CNTNAP4: variants seen among roughly 807,000 people sequenced by gnomAD.
The protein encoded by CNTNAP4 is contactin-associated protein-like 4.
A neutral mutation model predicts 148.4 loss-of-function variants in CNTNAP4; 98 were observed. The observed-to-expected ratio is 0.66, with a 90% CI of 0.56 to 0.78. The LOEUF is 0.78. Among genes scored for constraint, CNTNAP4 ranks in the 30% least tolerant of loss-of-function variants. The probability of loss-of-function intolerance (pLI) is 0.00; values close to 1 mark genes in which losing one functional copy is unlikely to be tolerated. For synonymous variants in CNTNAP4, 730 were observed against 565.1 expected (o/e 1.29, Z -4.14); for missense variants, 1,935 against 1,565.6 (o/e 1.24, Z -3.98).
rs917287332 is a variant in CNTNAP4, at chr16:76,549,633, A to G, written c.3443-3650A>G. 1.5e-4 allele frequency among the ~76,000 whole-genome samples: 23 copies of G among 151,542 alleles called. No homozygotes were observed. In the South Asian group the frequency reaches 4.4e-3, roughly 29 times the overall value. ...GAGTACTTTAAGGAGATTCTCATAA[A>G]GCAAAAAAAAGACCTTGAGGATCTA... On this transcript the variant is annotated intron_variant, in intron 21 of 23. Coordinates refer to ENST00000611870, the MANE Select transcript of CNTNAP4 (RefSeq NM_033401.5).
At chr16:76,280,724 C>T (rs527663484) in intron 1 of CNTNAP4, among the ~76,000 whole-genome samples, 19 of 152,192 alleles carry the variant, frequency 1.2e-4, no homozygotes, top group African/African-American at 4.1e-4. Flanking sequence ...TGGGTGTGCT[C>T]TTTGAGAAGC....
At chr16:76,546,785 C>T (rs888942509) in intron 21 of CNTNAP4, among the ~76,000 whole-genome samples, 4 of 152,134 alleles carry the variant, frequency 2.6e-5, no homozygotes, top group African/African-American at 9.7e-5. Context: ...AAGGACTAAT[C>T]AGAATCAGAG....
intron 3 of CNTNAP4, among the ~76,000 whole-genome samples, chr16:76,390,883 G>T (rs2016931447): frequency 6.6e-6 from 1 of 151,280 alleles, no homozygotes; most frequent in Non-Finnish European, 1.5e-5. Flanking sequence ...ATTTTTTGTG[G>T]GTACATAATT....
intron 10 of CNTNAP4, among the ~76,000 whole-genome samples, chr16:76,470,670 A>G (rs2081337180): frequency 6.6e-6 from 1 of 151,444 alleles, no homozygotes; most frequent in African/African-American, 2.4e-5. Context: ...AAACAAACAA[A>G]CAAAAAACCA....
At position 76,498,933 on chromosome 16, in the gene CNTNAP4, G is replaced by A. The variant is rs201039186; in HGVS notation, c.2365+239G>A. On this transcript the variant is annotated intron_variant, in intron 15 of 23. Coordinates refer to ENST00000611870, the MANE Select transcript of CNTNAP4 (RefSeq NM_033401.5). ...AGAATGGGAAGTTACAGTTTAATGAGTACAGAGATTTGGGAGATGAAAAGA... is the reference window on the plus strand; with the variant it reads ...AGAATGGGAAGTTACAGTTTAATGAATACAGAGATTTGGGAGATGAAAAGA... 3.9e-5 allele frequency among the ~76,000 whole-genome samples: 6 copies of A among 152,096 alleles called. No individual in the cohort carries two copies. In the East Asian group the frequency reaches 1.2e-3, roughly 29 times the overall value.
chr16:76,309,838 G>T, intron 1 of CNTNAP4: 1 of 700,432 alleles, frequency 1.4e-6, no homozygotes, highest in Non-Finnish European at 2.6e-6. Context: ...AGGGGTTTCC[G>T]CTTTTGCTGC....
chr16:76,456,418 G>GTAAA (rs2080733676), intron 8 of CNTNAP4, among the ~76,000 whole-genome samples: 1 of 152,200 alleles, frequency 6.6e-6, no homozygotes, highest in Non-Finnish European at 1.5e-5. Context: ...GTTGTAATTG[G>GTAAA]TAAATACAGA....
chr16:76,378,767 C>A (rs2015683087), intron 3 of CNTNAP4, among the ~76,000 whole-genome samples: 1 of 152,188 alleles, frequency 6.6e-6, no homozygotes, highest in Admixed American at 6.5e-5. Flanking sequence ...TGTTGTGCTC[C>A]TGCAAAGTCT....
intron 4 of CNTNAP4, among the ~76,000 whole-genome samples, chr16:76,433,755 C>G (rs1217571237): frequency 6.1e-4 from 92 of 151,986 alleles, no homozygotes; most frequent in Admixed American, 6.0e-3. Context: ...GAGTTCAATA[C>G]CTATTTATTG....
intron 3 of CNTNAP4, among the ~76,000 whole-genome samples, chr16:76,423,608 A>G (rs954806271): frequency 6.6e-6 from 1 of 152,220 alleles, no homozygotes; most frequent in Non-Finnish European, 1.5e-5. Flanking sequence ...AAAGGAATAC[A>G]TTTGAAACTC....
At chr16:76,470,581 C>T (rs967705084) in intron 10 of CNTNAP4, among the ~76,000 whole-genome samples, 20 of 149,428 alleles carry the variant, frequency 1.3e-4, no homozygotes, top group African/African-American at 3.8e-4. Context: ...ACCCGGGAGA[C>T]GAAGGTTGCA....
intron 17 of CNTNAP4, among the ~76,000 whole-genome samples, chr16:76,529,150 A>G (rs995270541): frequency 1.3e-5 from 2 of 152,106 alleles, no homozygotes; most frequent in Admixed American, 6.5e-5. Flanking sequence ...AATAAAATGG[A>G]TTCGCCTTCT....
At chr16:76,320,387 A>G (rs146698744) in intron 2 of CNTNAP4, among the ~76,000 whole-genome samples, 4 of 152,312 alleles carry the variant, frequency 2.6e-5, no homozygotes, top group Non-Finnish European at 4.4e-5. Flanking sequence ...AAAAAAGGCA[A>G]TCAGACTTGA....
intron 19 of CNTNAP4, 53 bp from the exon 20 acceptor site, chr16:76,539,666 C>T (rs758147141): frequency 3.7e-5 from 53 of 1,448,158 alleles, no homozygotes; most frequent in African/African-American, 4.4e-5. Flanking sequence ...TTAAGTAAGC[C>T]GCTCTCAAAG....
intron 15 of CNTNAP4, among the ~76,000 whole-genome samples, chr16:76,500,310 C>G (rs2082582655): frequency 6.6e-6 from 1 of 152,222 alleles, no homozygotes; most frequent in African/African-American, 2.4e-5. Context: ...CTGAAATACT[C>G]TTTCAGTCAG....
intron 2 of CNTNAP4, among the ~76,000 whole-genome samples, chr16:76,326,114 A>G (rs145231092): frequency 3.6e-4 from 55 of 152,326 alleles, no homozygotes; most frequent in African/African-American, 1.2e-3. Context: ...AATACTCCCT[A>G]ACTCATTCAA....
chr16:76,495,523 T>C (rs2082373783), intron 14 of CNTNAP4, among the ~76,000 whole-genome samples: 2 of 152,086 alleles, frequency 1.3e-5, no homozygotes, highest in African/African-American at 2.4e-5. Flanking sequence ...AAAGAACTAA[T>C]GTTCTGTGGA....
At chr16:76,459,965 G>A (rs1597612816) in intron 8 of CNTNAP4, among the ~76,000 whole-genome samples, 1 of 152,064 alleles carries the variant, frequency 6.6e-6, no homozygotes, top group Non-Finnish European at 1.5e-5. Flanking sequence ...AGAATACCTC[G>A]ATTTTTGATT....
chr16:76,362,717 A>C (rs2013585433), intron 3 of CNTNAP4, among the ~76,000 whole-genome samples: 1 of 152,200 alleles, frequency 6.6e-6, no homozygotes, highest in Non-Finnish European at 1.5e-5. Flanking sequence ...TATGGAGATA[A>C]AGAAGGGAAG....
Sources: allele counts gnomAD v4.1 joint callset (sites outside exome capture counted in the v4.1 genomes callset), GRCh38; gene constraint gnomAD v4.1.1; transcripts MANE v1.5; gene names NCBI Gene and HGNC (gene_info 2026-07-23, HGNC 2026-07-21).